Variants in LRRC4C observed in about 807,000 individuals in gnomAD.
LRRC4C encodes leucine-rich repeat-containing protein 4C.
In LRRC4C, 5 loss-of-function variants were observed where a neutral mutation model predicts 33.6. The observed-to-expected ratio is 0.15, with a 90% CI of 0.08 to 0.31. The LOEUF (loss-of-function observed/expected upper bound fraction) is 0.31, where lower values mean the gene tolerates loss of function less well. Ranked by LOEUF, LRRC4C falls within the 10% of genes least tolerant of loss-of-function variation. The pLI, the probability that LRRC4C is intolerant of heterozygous loss-of-function variation, is 1.00. For missense variants in LRRC4C, 560 were observed against 796.7 expected, an observed-to-expected ratio of 0.70 and a Z score of 3.58; for synonymous variants, 329 against 302.0, an observed-to-expected ratio of 1.09 and a Z score of -0.93.
intron 3 of LRRC4C, among the ~76,000 whole-genome samples, chr11:40,378,916 CTG>C (rs1948759286): frequency 6.6e-6 from 1 of 152,110 alleles, no homozygotes; most frequent in South Asian, 2.1e-4. Context: ...ATGTATGTGT[CTG>C]TGTTTTCCAT....
intron 1 of LRRC4C, among the ~76,000 whole-genome samples, chr11:41,064,843 C>G (rs1436551012): frequency 6.6e-6 from 1 of 152,174 alleles, no homozygotes; most frequent in Non-Finnish European, 1.5e-5. Context: ...CTTCCCCAAC[C>G]AACGAAGCCC....
chr11:40,709,569 G>T (rs1429423396), intron 2 of LRRC4C, among the ~76,000 whole-genome samples: 2 of 152,178 alleles, frequency 1.3e-5, no homozygotes, highest in African/African-American at 4.8e-5. Flanking sequence ...TCTGCTGAGA[G>T]ATCTGCTGTT....
intron 3 of LRRC4C, among the ~76,000 whole-genome samples, chr11:40,413,546 G>A (rs1039444711): frequency 6.6e-6 from 1 of 152,124 alleles, no homozygotes; most frequent in Non-Finnish European, 1.5e-5. Flanking sequence ...CTCATGGCAT[G>A]TTAGCTAAAC....
In LRRC4C at chr11:40,151,579, C is replaced by T. The variant is rs1858213392; in HGVS notation, c.-95-10726G>A. Among the ~76,000 whole-genome samples the T allele has an allele frequency of 1.3e-5, 2 of 152,102 alleles. 1 individual carries two copies. The highest frequency in any genetic ancestry group is 4.1e-4 in the South Asian group (2 of 4,820). ...TACGAAATTCTGATTAAGAACTCAG[C>T]CTTAAATTGTTCTGAAGTAGTTCGC... On this transcript the variant is annotated intron_variant, in intron 5 of 6. Transcript: ENST00000528697.
rs558652116 is a variant in LRRC4C, at chr11:40,844,532, A to G, written c.-407+89103T>C. On this transcript the variant is annotated intron_variant, in intron 2 of 6. Coordinates refer to ENST00000528697, the MANE Select transcript of LRRC4C (RefSeq NM_001258419.2). Reference sequence around the variant, plus strand: ...CTCTTGCTAGTGATATGACTGTAAAAGATATCCAAAAAGAATACAGATTAT... The same window carrying G: ...CTCTTGCTAGTGATATGACTGTAAAGGATATCCAAAAAGAATACAGATTAT... Among the ~76,000 whole-genome samples the G allele has an allele frequency of 2.6e-5, 4 of 152,306 alleles. No individual in the cohort carries two copies. In the South Asian group the frequency reaches 8.3e-4, roughly 32 times the overall value.
rs546467264 is a variant in LRRC4C at position 40,867,494 on chromosome 11, A to G, written c.-407+66141T>C. Among the ~76,000 whole-genome samples, 14 of 152,332 alleles carry G rather than the reference A, an allele frequency of 9.2e-5. 1 individual carries two copies. In the South Asian group the frequency reaches 2.9e-3, roughly 32 times the overall value. The stretch of plus-strand genomic sequence containing the variant: ...TAGTATCACTATTATTGCCCTGTGC[A>G]TTCACATTCCATTTTTTGTATAGTA... On this transcript the variant is annotated intron_variant, in intron 2 of 6. Transcript: ENST00000528697.
intron 2 of LRRC4C, among the ~76,000 whole-genome samples, chr11:40,672,987 G>A (rs776224356): frequency 2.6e-5 from 4 of 151,548 alleles, no homozygotes; most frequent in Non-Finnish European, 5.9e-5. Flanking sequence ...TGTCCATGAA[G>A]CTCTTAAAAA....
chr11:41,442,471 T>C (rs1271622995), intron 1 of LRRC4C, among the ~76,000 whole-genome samples: 9 of 122,136 alleles, frequency 7.4e-5, no homozygotes, highest in African/African-American at 1.9e-4. Context: ...TTTTTTTTTT[T>C]TTTTTTTTTT....
At chr11:40,733,060 AGTTTTTT>A (rs1489451274) in intron 2 of LRRC4C, among the ~76,000 whole-genome samples, 3 of 97,890 alleles carry the variant, frequency 3.1e-5, no homozygotes, top group African/African-American at 1.1e-4. Context: ...TTATGAATAT[AGTTTTTT>A]TTTTTTTTTT....
chr11:41,395,188 G>C (rs369585527), intron 1 of LRRC4C, among the ~76,000 whole-genome samples: 3 of 151,974 alleles, frequency 2.0e-5, no homozygotes, highest in South Asian at 4.1e-4. Context: ...CAGCAGGAAA[G>C]AGCAGAGAAA....
chr11:41,440,608 C>T (rs960964729), intron 1 of LRRC4C, among the ~76,000 whole-genome samples: 1 of 152,036 alleles, frequency 6.6e-6, no homozygotes, highest in Admixed American at 6.6e-5. Context: ...ATCTATTGGA[C>T]TGATATGGTT....
At chr11:40,727,777 G>A (rs1947357114) in intron 2 of LRRC4C, among the ~76,000 whole-genome samples, 3 of 152,006 alleles carry the variant, frequency 2.0e-5, no homozygotes, top group African/African-American at 4.8e-5. Context: ...GGCTGGGTGC[G>A]ATGACTCACA....
intron 4 of LRRC4C, among the ~76,000 whole-genome samples, chr11:40,309,107 C>A (rs1945178833): frequency 1.3e-5 from 2 of 152,194 alleles, no homozygotes; most frequent in Admixed American, 1.3e-4. Flanking sequence ...ATGCAACCAT[C>A]ACCACAGTGT....
chr11:40,415,965 C>G (rs1565366168), intron 3 of LRRC4C, among the ~76,000 whole-genome samples: 1 of 152,082 alleles, frequency 6.6e-6, no homozygotes, highest in African/African-American at 2.4e-5. Context: ...GTGTTAAATG[C>G]TTTTATATTT....
At chr11:40,372,013 T>C (rs1948471363) in intron 3 of LRRC4C, among the ~76,000 whole-genome samples, 1 of 152,214 alleles carries the variant, frequency 6.6e-6, no homozygotes, top group South Asian at 2.1e-4. Flanking sequence ...GAACTATGAT[T>C]GTGGCTTGTG....
chr11:40,391,224 A>G (rs747222327), intron 3 of LRRC4C, among the ~76,000 whole-genome samples: 146 of 152,128 alleles, frequency 9.6e-4, no homozygotes, highest in Non-Finnish European at 1.7e-3. Context: ...AATATCTCAA[A>G]TATCAGCAAC....
intron 1 of LRRC4C, among the ~76,000 whole-genome samples, chr11:40,961,925 T>C (rs924797181): frequency 6.6e-6 from 1 of 151,568 alleles, no homozygotes; most frequent in African/African-American, 2.4e-5. Flanking sequence ...TTTTGACAGT[T>C]TCCTCTTTTT....
chr11:40,167,101 C>T (rs868804775), intron 5 of LRRC4C, among the ~76,000 whole-genome samples: 2 of 152,088 alleles, frequency 1.3e-5, no homozygotes, highest in Non-Finnish European at 2.9e-5. Flanking sequence ...TAATCCTGAC[C>T]GTTGGCCTTA....
intron 2 of LRRC4C, among the ~76,000 whole-genome samples, chr11:40,767,512 A>G (rs1949530110): frequency 6.6e-6 from 1 of 152,126 alleles, no homozygotes; most frequent in Non-Finnish European, 1.5e-5. Flanking sequence ...TCATTAGCTG[A>G]GGAATATACA....
Sources: allele counts gnomAD v4.1 joint callset (sites outside exome capture counted in the v4.1 genomes callset), GRCh38; gene constraint gnomAD v4.1.1; transcripts MANE v1.5; gene names NCBI Gene and HGNC (gene_info 2026-07-23, HGNC 2026-07-21).